KCNT1: variants seen among roughly 807,000 people sequenced by gnomAD.
The protein encoded by KCNT1 is potassium channel subfamily T member 1.
In KCNT1, 78 loss-of-function variants were observed where a neutral mutation model predicts 147.8. The ratio of observed to expected loss-of-function variants is 0.53; its 90% CI spans 0.44 to 0.64. The LOEUF (loss-of-function observed/expected upper bound fraction) is 0.64. Ranked by LOEUF, KCNT1 falls within the 30% of genes least tolerant of loss-of-function variation. The probability of loss-of-function intolerance (pLI) is 0.00; values close to 1 mark genes in which losing one functional copy is unlikely to be tolerated. For missense variants in KCNT1, 1,419 were observed against 1,750.3 expected, an observed-to-expected ratio of 0.81 and a Z score of 3.38; for synonymous variants, 867 against 748.8, an observed-to-expected ratio of 1.16 and a Z score of -2.58.
chr9:135,720,221 T>C (rs568558032), intron 2 of KCNT1, among the ~76,000 whole-genome samples: 2 of 152,006 alleles, frequency 1.3e-5, no homozygotes, highest in East Asian at 3.9e-4. Flanking sequence ...TGAATCCAGC[T>C]GCCCCGCAGG....
At chr9:135,757,423 A>G (rs974185561) in intron 9 of KCNT1, 42 bp downstream of exon 9, 1 of 1,555,934 alleles carries the variant, frequency 6.4e-7, no homozygotes, top group South Asian at 1.1e-5. Flanking sequence ...TGGGGGGGCC[A>G]CCCTCAGCCT....
chr9:135,775,948 C>T (rs1236471880), intron 20 of KCNT1, among the ~76,000 whole-genome samples: 1 of 151,896 alleles, frequency 6.6e-6, no homozygotes, highest in Non-Finnish European at 1.5e-5. Flanking sequence ...GTCTCTTGAC[C>T]TTAATATTTT....
In KCNT1 at chr9:135,794,255, T is replaced by A. The variant is rs966753118; in HGVS notation, c.*2094T>A. 5 of 152,370 alleles carry A rather than the reference T, an allele frequency of 3.3e-5. No individual in the cohort carries two copies. The highest frequency in any genetic ancestry group is 1.2e-4 in the African/African-American group (5 of 41,568). 9.4% of individuals were successfully genotyped at this position (152,370 alleles called of 1,614,324 possible). A position where few individuals can be genotyped will look rare whatever the true frequency, so the allele number is the denominator to read the frequency against. On this transcript the variant is annotated 3_prime_UTR_variant, in exon 31 of 31. Transcript: ENST00000371757. ...TGGATGGTGTTCCCGGAGTCCCCTG[T>A]GGCCACTCCACCACCATGAGGCCGG...
At chr9:135,749,721 C>G (rs1027767001) in intron 2 of KCNT1, among the ~76,000 whole-genome samples, 1 of 152,236 alleles carries the variant, frequency 6.6e-6, no homozygotes, top group Admixed American at 6.5e-5. Flanking sequence ...AGCACCATCC[C>G]CAGGGCCATA....
chr9:135,784,705 A>G, intron 26 of KCNT1, 56 bp from the exon 27 acceptor site: 1 of 1,608,914 alleles, frequency 6.2e-7, no homozygotes. Context: ...CACGGTGGCC[A>G]GGAGGCTCTG....
At chr9:135,776,519 G>A (rs774084257) in intron 20 of KCNT1, among the ~76,000 whole-genome samples, 27 of 152,046 alleles carry the variant, frequency 1.8e-4, no homozygotes, top group South Asian at 4.2e-4. Flanking sequence ...CTCCCACCTC[G>A]GCCTCCCAAA....
At chr9:135,760,160 G>T (rs555144805) in intron 11 of KCNT1, among the ~76,000 whole-genome samples, 1 of 152,316 alleles carries the variant, frequency 6.6e-6, no homozygotes, top group African/African-American at 2.4e-5. Context: ...GCAGAGTGCA[G>T]GGAAGGGTCA....
chr9:135,787,428 C>T (rs1227125494), intron 29 of KCNT1, among the ~76,000 whole-genome samples: 1 of 152,216 alleles, frequency 6.6e-6, no homozygotes, highest in Non-Finnish European at 1.5e-5. Flanking sequence ...GTCGAGGCTC[C>T]ACCTTCCCTT....
Position 135,729,420 on chromosome 9 carries a change from T to C in KCNT1, c.254+14700T>C, listed in dbSNP as rs759907806. 3.9e-4 allele frequency among the ~76,000 whole-genome samples: 59 copies of C among 152,268 alleles called. 1 individual carries two copies. Among genetic ancestry groups the C allele is most frequent in the Admixed American group, 3.7e-3 (56 of 15,294 alleles). Reference sequence around the variant, plus strand: ...GAGGGGATTCCGCAGATGGCGGGAATGAGCCTGGGAGCAGATTCCTGCTGG... The same window carrying C: ...GAGGGGATTCCGCAGATGGCGGGAACGAGCCTGGGAGCAGATTCCTGCTGG... On this transcript the variant is annotated intron_variant, in intron 2 of 30. Coordinates refer to ENST00000371757, the MANE Select transcript of KCNT1 (RefSeq NM_020822.3).
chr9:135,710,387 A>G (rs1835437175), intron 1 of KCNT1, among the ~76,000 whole-genome samples: 1 of 152,208 alleles, frequency 6.6e-6, no homozygotes. Context: ...ATAAACAAGG[A>G]CAAATAAGGA....
Position 135,714,551 on chromosome 9 carries a change from T to C in KCNT1, c.111-26T>C. On this transcript the variant is annotated intron_variant, in intron 1 of 30. Transcript: ENST00000371757. This position sits in a 1 kb window ranked among gnomAD's most constrained non-coding sequence, Gnocchi z 6.2. Reference sequence around the variant, plus strand: ...GTCCGCGAGGGCGCCCGACGCGGGCTGAGGGGCGCTGGCGTGTGCCCGCAG... The same window carrying C: ...GTCCGCGAGGGCGCCCGACGCGGGCCGAGGGGCGCTGGCGTGTGCCCGCAG... The C allele has an allele frequency of 9.1e-7, 1 of 1,103,892 alleles. No homozygotes were observed. The highest frequency in any genetic ancestry group is 1.1e-6 in the Non-Finnish European group (1 of 905,732). The allele number at this position is 1,103,892 out of a possible 1,614,324, so 68.4% of individuals were successfully genotyped here.
At position 135,786,010 on chromosome 9, in the gene KCNT1, C is replaced by G. The variant is rs896603333; in HGVS notation, c.3178-187C>G. On this transcript the variant is annotated intron_variant, in intron 28 of 30. Coordinates refer to ENST00000371757, the MANE Select transcript of KCNT1 (RefSeq NM_020822.3). ...TGCTCAGGAGGAAACCAGGCACATT[C>G]TTTCCAGAGGAGGAAGGCACATGCA... 8 of 601,576 alleles carry G rather than the reference C, an allele frequency of 1.3e-5. No individual in the cohort carries two copies. In the African/African-American group the frequency reaches 1.5e-4, roughly 11 times the overall value. 37.3% of individuals were successfully genotyped at this position (601,576 alleles called of 1,614,324 possible).
intron 2 of KCNT1, among the ~76,000 whole-genome samples, chr9:135,727,954 G>T (rs977810448): frequency 6.6e-6 from 1 of 152,278 alleles, no homozygotes; most frequent in African/African-American, 2.4e-5. Flanking sequence ...CCAAAACGCA[G>T]TCACAAAGTC....
chr9:135,762,956 G>T (rs995241366), intron 11 of KCNT1, among the ~76,000 whole-genome samples: 1 of 152,254 alleles, frequency 6.6e-6, no homozygotes, highest in Admixed American at 6.5e-5. Flanking sequence ...CTCGAGCTCC[G>T]TGTCCACAGT....
rs367839568 is a variant in KCNT1 at position 135,769,268 on chromosome 9, T to C, written c.1510+331T>C. Among the ~76,000 whole-genome samples, 110 of 111,244 alleles carry C rather than the reference T, an allele frequency of 9.9e-4. 1 individual carries two copies. The highest frequency in any genetic ancestry group is 3.4e-3 in the African/African-American group (95 of 28,114). 73.0% of individuals were successfully genotyped at this position (111,244 alleles called of 152,430 possible). On this transcript the variant is annotated intron_variant, in intron 15 of 30. Coordinates refer to ENST00000371757, the MANE Select transcript of KCNT1 (RefSeq NM_020822.3). ...GTGTCTGGGGCAGGGCGCGTGTGCA[T>C]GCTGTTGGGTGATGGTGCGTCTGGG...
In KCNT1 at chr9:135,702,185, A is replaced by T; in HGVS notation, c.-74A>T. ...TGCGAGGAAAAAAAAAATGTTTTTCAGGGCAACGCGAGGGAAGAAGGTGGC... is the reference window on the plus strand; with the variant it reads ...TGCGAGGAAAAAAAAAATGTTTTTCTGGGCAACGCGAGGGAAGAAGGTGGC... On this transcript the variant is annotated 5_prime_UTR_variant, in exon 1 of 31. Coordinates refer to ENST00000371757, the MANE Select transcript of KCNT1 (RefSeq NM_020822.3). 1.8e-6 allele frequency: 2 copies of T among 1,124,318 alleles called. No individual in the cohort carries two copies. The highest frequency in any genetic ancestry group is 2.6e-6 in the Non-Finnish European group (2 of 762,206). The allele number at this position is 1,124,318 out of a possible 1,614,324, so 69.6% of individuals were successfully genotyped here.
chr9:135,777,258 G>A (rs1164954056), intron 20 of KCNT1, 80 bp from the exon 21 acceptor site: 1 of 1,453,848 alleles, frequency 6.9e-7, no homozygotes. Context: ...GGGATGTTTG[G>A]TGAGGGGTCT....
At chr9:135,725,033 C>T (rs1836075532) in intron 2 of KCNT1, among the ~76,000 whole-genome samples, 2 of 152,242 alleles carry the variant, frequency 1.3e-5, no homozygotes, top group Non-Finnish European at 2.9e-5. Context: ...GTCCCTGCCC[C>T]ACCCAGGAGG....
intron 1 of KCNT1, among the ~76,000 whole-genome samples, chr9:135,712,334 C>T (rs1187348880): frequency 6.6e-6 from 1 of 152,232 alleles, no homozygotes; most frequent in Non-Finnish European, 1.5e-5. Flanking sequence ...TTATTTGGCA[C>T]AGCAGTCACT....
Sources: gnomAD v4.1 joint callset for allele counts (sites outside exome capture counted in the v4.1 genomes callset) on GRCh38, gnomAD v4.1.1 for gene constraint, Gnocchi (gnomAD v3.1) non-coding constraint, MANE v1.5 for transcripts, NCBI Gene and HGNC (gene_info 2026-07-23, HGNC 2026-07-21) for gene names.